CASK: variants seen among roughly 807,000 people sequenced by gnomAD.
CASK encodes the protein peripheral plasma membrane protein CASK.
CASK carries 4 observed loss-of-function variants against 82.9 expected under a neutral mutation model. The observed-to-expected ratio is 0.05, with a 90% CI of 0.02 to 0.11. The LOEUF (loss-of-function observed/expected upper bound fraction) is 0.11. CASK is among the 10% of genes least tolerant of loss of function. The pLI, the probability that CASK is intolerant of heterozygous loss-of-function variation, is 1.00. For synonymous variants in CASK, 259 were observed against 253.5 expected, an observed-to-expected ratio of 1.02 and a Z score of -0.20; for missense variants, 358 against 720.9, an observed-to-expected ratio of 0.50 and a Z score of 5.76.
At chrX:41,759,774 A>C (rs945265046) in intron 3 of CASK, among the ~76,000 whole-genome samples, 1 of 112,034 alleles carries the variant, frequency 8.9e-6, no homozygotes, top group African/African-American at 3.2e-5. Context: ...CTTCGAAAAA[A>C]AGACTGCCTT....
chrX:41,762,347 T>G (rs1349551833), intron 3 of CASK, among the ~76,000 whole-genome samples: 2 of 111,764 alleles, frequency 1.8e-5, no homozygotes, highest in East Asian at 2.8e-4. Context: ...GAAACTGAGG[T>G]GCCAAGAAGT....
chrX:41,682,529 G>GA (rs869093187), intron 5 of CASK, among the ~76,000 whole-genome samples: 5,727 of 23,137 alleles, frequency 0.25, 1,730 homozygotes, highest in East Asian at 0.8. Context: ...ACTGTCTCAG[G>GA]AAAAAAAAAA....
chrX:41,528,276 A>G lies in CASK; in HGVS notation c.2520+2731T>C, dbSNP rs774918123. ...AAATATACAGCACTATAAGAACATAATCTATTACTATTTTATGAGAAGCTA... is the reference window on the plus strand; with the variant it reads ...AAATATACAGCACTATAAGAACATAGTCTATTACTATTTTATGAGAAGCTA... On this transcript the variant is annotated intron_variant, in intron 25 of 26. Coordinates refer to ENST00000378163, the MANE Select transcript of CASK (RefSeq NM_001367721.1). Among the ~76,000 whole-genome samples the G allele has an allele frequency of 2.7e-5, 3 of 112,396 alleles. No individual in the cohort carries two copies. In the East Asian group the frequency reaches 8.4e-4, roughly 31 times the overall value.
At chrX:41,565,572 C>T (rs372926429) in intron 16 of CASK, among the ~76,000 whole-genome samples, 344 of 110,890 alleles carry the variant, frequency 3.1e-3, no homozygotes, top group African/African-American at 9.2e-3. Context: ...AATAACAGGC[C>T]GTGAAATTGA....
chrX:41,717,961 G>A (rs1235527689), intron 5 of CASK, among the ~76,000 whole-genome samples: 1 of 112,452 alleles, frequency 8.9e-6, no homozygotes. Flanking sequence ...GTAGCTTCAG[G>A]ATGGGGCTGG....
At chrX:41,851,840 T>G (rs1290557523) in intron 2 of CASK, among the ~76,000 whole-genome samples, 1 of 111,340 alleles carries the variant, frequency 9.0e-6, no homozygotes, top group Non-Finnish European at 1.9e-5. Flanking sequence ...GAATTAGGTT[T>G]ATACAAAATT....
At chrX:41,853,937 T>C (rs2071313825) in intron 1 of CASK, among the ~76,000 whole-genome samples, 1 of 111,379 alleles carries the variant, frequency 9.0e-6, no homozygotes, top group African/African-American at 3.3e-5. Context: ...CACACTCCAA[T>C]AAAATCTGGG....
intron 3 of CASK, among the ~76,000 whole-genome samples, chrX:41,764,219 T>C (rs971003877): frequency 9.9e-5 from 11 of 111,384 alleles, no homozygotes; most frequent in African/African-American, 3.6e-4. Context: ...CTTTTTTTTT[T>C]CTGGCTTCTG....
chrX:41,700,549 A>C (rs1270472964), intron 5 of CASK, among the ~76,000 whole-genome samples: 1 of 105,854 alleles, frequency 9.4e-6, no homozygotes, highest in Admixed American at 1.0e-4. Context: ...CCTAGATGAT[A>C]TATGAGAAAA....
chrX:41,760,917 G>C (rs1360070362), intron 3 of CASK, among the ~76,000 whole-genome samples: 1 of 111,345 alleles, frequency 9.0e-6, no homozygotes, highest in African/African-American at 3.3e-5. Flanking sequence ...GGTAGAAGCT[G>C]GGATGGATCC....
intron 3 of CASK, among the ~76,000 whole-genome samples, chrX:41,758,566 A>G (rs887082996): frequency 1.8e-5 from 2 of 111,237 alleles, no homozygotes; most frequent in Non-Finnish European, 3.8e-5. Flanking sequence ...AGAGGACAGC[A>G]GCATTTCAAG....
At chrX:41,764,287 G>A (rs761341434) in intron 3 of CASK, among the ~76,000 whole-genome samples, 28 of 107,851 alleles carry the variant, frequency 2.6e-4, no homozygotes, top group African/African-American at 8.5e-4. Flanking sequence ...TATCTCATTT[G>A]CTAGCTATTC....
chrX:41,521,007 C>T (rs1602203499), intron 26 of CASK, among the ~76,000 whole-genome samples: 2 of 112,074 alleles, frequency 1.8e-5, no homozygotes, highest in Admixed American at 9.4e-5. Context: ...TCCCAATTGG[C>T]GAGAGGGCTA....
chrX:41,854,110 C>T (rs1248854241), intron 1 of CASK, among the ~76,000 whole-genome samples: 5 of 111,234 alleles, frequency 4.5e-5, no homozygotes, highest in Non-Finnish European at 9.4e-5. Flanking sequence ...TTTCTATGAG[C>T]ACAGCCACTG....
At chrX:41,838,931 T>C (rs1601889301) in intron 2 of CASK, among the ~76,000 whole-genome samples, 1 of 111,598 alleles carries the variant, frequency 9.0e-6, no homozygotes, top group East Asian at 2.8e-4. Context: ...TGAATTGAGT[T>C]TGAATCTTTC....
rs781779774 is a variant in CASK, at chrX:41,789,111, A to G, written c.173-1828T>C. ...TATTAGAAGAATCTGGCAGTAGGAAAGAAATAGCGGGGTCAAGAGAAGGTT... is the reference window on the plus strand; with the variant it reads ...TATTAGAAGAATCTGGCAGTAGGAAGGAAATAGCGGGGTCAAGAGAAGGTT... On this transcript the variant is annotated intron_variant, in intron 2 of 26. Transcript: ENST00000378163. Among the ~76,000 whole-genome samples the G allele has an allele frequency of 2.7e-5, 3 of 111,611 alleles. No homozygotes were observed. The East Asian group carries it at 8.4e-4, about 31-fold the overall frequency.
chrX:41,637,904 C>T (rs1174490909), intron 8 of CASK, among the ~76,000 whole-genome samples: 2 of 108,914 alleles, frequency 1.8e-5, no homozygotes, highest in Non-Finnish European at 3.8e-5. Flanking sequence ...CCTTGGCCTC[C>T]CAAAGTGCTG....
In CASK at chrX:41,787,188, C is replaced by T; in HGVS notation, c.268G>A (p.Val90Ile). The change falls in exon 3 of 27, where the codon GTT (valine) becomes ATT (isoleucine). Residue 90 changes from valine to isoleucine, a missense_variant. This residue lies in a region of CASK where 70 missense variants were observed against 228.4 expected (regional missense o/e 0.31). Transcript: ENST00000378163. ...TYSSDGMLYM[V>I]FEFMDGADLC... ...AAAATACACACTCACAATTCGAAAA[C>T]CATGTAAAGCATTCCATCTGAGCTA... 2.6e-6 allele frequency: 3 copies of T among 1,145,863 alleles called. No homozygotes were observed. The highest frequency in any genetic ancestry group is 3.6e-6 in the Non-Finnish European group (3 of 835,513). The allele number at this position is 1,145,863 out of a possible 1,213,427, so 94.4% of individuals were successfully genotyped here.
At chrX:41,818,233 A>G (rs1348520184) in intron 2 of CASK, among the ~76,000 whole-genome samples, 1 of 107,860 alleles carries the variant, frequency 9.3e-6, no homozygotes, top group Non-Finnish European at 1.9e-5. Flanking sequence ...ATTCATACGA[A>G]AAGGACCTAG....
Sources: gnomAD v4.1 joint callset for allele counts (sites outside exome capture counted in the v4.1 genomes callset) on GRCh38, gnomAD v4.1.1 for gene constraint, gnomAD v4.1.1 regional missense constraint, MANE v1.5 for transcripts, NCBI Gene and HGNC (gene_info 2026-07-23, HGNC 2026-07-21) for gene names.